The following CSNK2A2IP variants were observed in gnomAD, a reference collection of about 807,000 sequenced individuals.
The protein encoded by CSNK2A2IP is casein kinase II subunit alpha'-interacting protein.
the CSNK2A2IP span, among the ~76,000 whole-genome samples, chr3:88,439,502 G>A: frequency 6.6e-6 from 1 of 151,974 alleles, no homozygotes; most frequent in African/African-American, 2.4e-5. Context: ...TTGGCACTTT[G>A]GGAGGCTGAG....
At chr3:88,446,306 T>C in the CSNK2A2IP span, among the ~76,000 whole-genome samples, 1 of 151,908 alleles carries the variant, frequency 6.6e-6, no homozygotes, top group Non-Finnish European at 1.5e-5. Context: ...GCCAGGCTGG[T>C]CTCGAACTCC....
chr3:88,382,730 C>T, the CSNK2A2IP span: 2 of 152,116 alleles, frequency 1.3e-5, no homozygotes, highest in African/African-American at 2.4e-5. Context: ...CTTATCAATG[C>T]CCCTAGGAGA....
At chr3:88,353,891 C>T in the CSNK2A2IP span, among the ~76,000 whole-genome samples, 10 of 152,022 alleles carry the variant, frequency 6.6e-5, no homozygotes, top group Non-Finnish European at 1.5e-4. Context: ...GATATTCATC[C>T]CCTCCAACTC....
chr3:88,416,948 A>C, the CSNK2A2IP span, among the ~76,000 whole-genome samples: 96 of 152,088 alleles, frequency 6.3e-4, no homozygotes, highest in African/African-American at 2.3e-3. Flanking sequence ...TTACAGCACT[A>C]TGAGTGTCTC....
the CSNK2A2IP span, among the ~76,000 whole-genome samples, chr3:88,460,882 G>A: frequency 6.6e-6 from 1 of 151,902 alleles, no homozygotes; most frequent in Non-Finnish European, 1.5e-5. Context: ...GAAGTCAGGA[G>A]TTCAAGACCA....
At chr3:88,457,098 G>C in the CSNK2A2IP span, among the ~76,000 whole-genome samples, 3 of 151,946 alleles carry the variant, frequency 2.0e-5, no homozygotes, top group Non-Finnish European at 4.4e-5. Context: ...TTCTATGAAG[G>C]GCTTTTTACT....
At chr3:88,383,097 AT>A in the CSNK2A2IP span, among the ~76,000 whole-genome samples, 15,777 of 150,050 alleles carry the variant, frequency 0.11, 1,282 homozygotes, top group Admixed American at 0.27. Flanking sequence ...CCCTCTACTT[AT>A]TTTTTTTTGT....
At chr3:88,453,051 G>A in the CSNK2A2IP span, among the ~76,000 whole-genome samples, 3 of 152,058 alleles carry the variant, frequency 2.0e-5, no homozygotes, top group Admixed American at 1.3e-4. Context: ...GCTTGACGAG[G>A]CAGAAATTTC....
chr3:88,344,510 A>G, the CSNK2A2IP span, among the ~76,000 whole-genome samples: 1 of 151,942 alleles, frequency 6.6e-6, no homozygotes. Flanking sequence ...CTGAGTTCAA[A>G]GCTAATTGCT....
At chr3:88,377,251 T>C in the CSNK2A2IP span, among the ~76,000 whole-genome samples, 1 of 151,836 alleles carries the variant, frequency 6.6e-6, no homozygotes. Flanking sequence ...AAACCCATCA[T>C]CATTCTTCCC....
At chr3:88,464,136 G>T in the CSNK2A2IP span, among the ~76,000 whole-genome samples, 1 of 147,832 alleles carries the variant, frequency 6.8e-6, no homozygotes, top group Non-Finnish European at 1.5e-5. Context: ...ACACAGGAAG[G>T]GGAACATCAC....
the CSNK2A2IP span, among the ~76,000 whole-genome samples, chr3:88,442,781 T>C: frequency 1.3e-5 from 2 of 151,972 alleles, no homozygotes; most frequent in Non-Finnish European, 2.9e-5. Context: ...AATCAGAATA[T>C]GACAATTCTT....
At chr3:88,426,807 C>CT in the CSNK2A2IP span, among the ~76,000 whole-genome samples, 1 of 143,646 alleles carries the variant, frequency 7.0e-6, no homozygotes, top group Non-Finnish European at 1.5e-5. Context: ...AAGCTCTTTC[C>CT]TTTATACATT....
the CSNK2A2IP span, among the ~76,000 whole-genome samples, chr3:88,340,832 T>G: frequency 6.6e-6 from 1 of 151,974 alleles, no homozygotes; most frequent in African/African-American, 2.4e-5. Context: ...TGGTACATGA[T>G]ATTTATATGA....
the CSNK2A2IP span, among the ~76,000 whole-genome samples, chr3:88,402,217 T>A: frequency 6.6e-6 from 1 of 152,038 alleles, no homozygotes; most frequent in East Asian, 1.9e-4. Context: ...CTAAACAATG[T>A]TATTTGATTT....
chr3:88,338,804 A>C, the CSNK2A2IP span, among the ~76,000 whole-genome samples: 1 of 152,160 alleles, frequency 6.6e-6, no homozygotes, highest in East Asian at 1.9e-4. Context: ...ACATCTAAAA[A>C]ATGTCAGTGA....
the CSNK2A2IP span, among the ~76,000 whole-genome samples, chr3:88,426,489 C>G: frequency 6.6e-6 from 1 of 152,170 alleles, no homozygotes; most frequent in South Asian, 2.1e-4. Context: ...TGCACTAGCC[C>G]TGTTATGGTT....
chr3:88,456,244 T>C, the CSNK2A2IP span, among the ~76,000 whole-genome samples: 1,309 of 152,196 alleles, frequency 8.6e-3, 15 homozygotes, highest in African/African-American at 0.03. Context: ...GCTATTGGAA[T>C]TTTGATATGG....
the CSNK2A2IP span, among the ~76,000 whole-genome samples, chr3:88,359,678 G>T: frequency 7.8e-4 from 118 of 152,132 alleles, 1 homozygote; most frequent in African/African-American, 2.8e-3. Context: ...GGTTTCCAAA[G>T]TTCTTCTTGT....
Sources: gnomAD v4.1 joint callset for allele counts (sites outside exome capture counted in the v4.1 genomes callset) on GRCh38, gnomAD v4.1.1 for gene constraint, MANE v1.5 for transcripts, NCBI Gene and HGNC (gene_info 2026-07-23, HGNC 2026-07-21) for gene names.